The following LRRC37A2 variants were observed in gnomAD, a reference collection of about 807,000 sequenced individuals.
LRRC37A2 encodes leucine-rich repeat-containing protein 37A2.
In LRRC37A2, 9 loss-of-function variants were observed where a neutral mutation model predicts 68.8. The observed-to-expected ratio is 0.13, with a 90% CI of 0.08 to 0.23. The LOEUF (loss-of-function observed/expected upper bound fraction) is 0.23, where lower values mean the gene tolerates loss of function less well. Ranked by LOEUF, LRRC37A2 falls within the 10% of genes least tolerant of loss-of-function variation. The pLI, the probability that LRRC37A2 is intolerant of heterozygous loss-of-function variation, is 1.00. For missense variants in LRRC37A2, 168 were observed against 950.4 expected (o/e 0.18, Z 10.82); for synonymous variants, 63 against 367.6 (o/e 0.17, Z 9.48).
the LRRC37A2 span, among the ~76,000 whole-genome samples, chr17:46,737,908 A>ATATTATTAT: frequency 8.9e-5 from 13 of 145,870 alleles, no homozygotes; most frequent in African/African-American, 2.8e-4. Flanking sequence ...TAAAATTAGC[A>ATATTATTAT]TATTATTATT....
chr17:47,028,771 G>T, the LRRC37A2 span, among the ~76,000 whole-genome samples: 1 of 151,278 alleles, frequency 6.6e-6, no homozygotes, highest in African/African-American at 2.4e-5. Flanking sequence ...TTAGCTGGGC[G>T]TGGTGGTGCA....
At chr17:46,828,503 A>C in the LRRC37A2 span, among the ~76,000 whole-genome samples, 1 of 151,992 alleles carries the variant, frequency 6.6e-6, no homozygotes, top group Non-Finnish European at 1.5e-5. Context: ...ACGCCCTGCC[A>C]GGGCTTCTTT....
chr17:46,970,838 G>A, the LRRC37A2 span, among the ~76,000 whole-genome samples: 1 of 152,250 alleles, frequency 6.6e-6, no homozygotes, highest in East Asian at 1.9e-4. Context: ...ACACTGATAA[G>A]TGAAAAACAG....
the LRRC37A2 span, among the ~76,000 whole-genome samples, chr17:47,038,768 G>A: frequency 2.3e-5 from 2 of 88,014 alleles, no homozygotes; most frequent in African/African-American, 7.1e-5. Context: ...ATCTTTACTC[G>A]CCGCAACCTC....
At chr17:46,966,887 A>G in the LRRC37A2 span, 1 of 402,752 alleles carries the variant, frequency 2.5e-6, no homozygotes, top group African/African-American at 2.0e-5. Flanking sequence ...TATGCTAATT[A>G]GCACCTTAAA....
chr17:46,980,192 C>G, the LRRC37A2 span, among the ~76,000 whole-genome samples: 2 of 151,262 alleles, frequency 1.3e-5, no homozygotes, highest in Non-Finnish European at 2.9e-5. Context: ...CTAACAGTTC[C>G]CACGTGATGC....
chr17:46,925,442 G>A, the LRRC37A2 span, among the ~76,000 whole-genome samples: 1 of 152,228 alleles, frequency 6.6e-6, no homozygotes, highest in Non-Finnish European at 1.5e-5. Flanking sequence ...CTTTTATGCT[G>A]CAGTATCTTG....
chr17:46,997,608 A>G, the LRRC37A2 span, among the ~76,000 whole-genome samples: 13 of 152,224 alleles, frequency 8.5e-5, no homozygotes, highest in Non-Finnish European at 1.0e-4. Context: ...AAATGACATC[A>G]TGGATTTGCA....
the LRRC37A2 span, among the ~76,000 whole-genome samples, chr17:46,852,992 CTCAG>C: frequency 6.6e-5 from 10 of 152,166 alleles, no homozygotes; most frequent in African/African-American, 2.4e-4. Context: ...GGGAAGACCA[CTCAG>C]TCTCTGGGCC....
the LRRC37A2 span, chr17:46,830,805 T>C: frequency 2.5e-6 from 1 of 398,592 alleles, no homozygotes; most frequent in Non-Finnish European, 4.4e-6. Flanking sequence ...AAAGCTCATT[T>C]ATTCACACCC....
the LRRC37A2 span, among the ~76,000 whole-genome samples, chr17:46,878,041 T>C: frequency 6.6e-6 from 1 of 152,218 alleles, no homozygotes; most frequent in Non-Finnish European, 1.5e-5. Context: ...CAGGCACACA[T>C]GGATGCACAG....
At chr17:46,493,616 C>T in the LRRC37A2 span, among the ~76,000 whole-genome samples, 1 of 148,526 alleles carries the variant, frequency 6.7e-6, no homozygotes. Flanking sequence ...TGACTCACTG[C>T]AAGCTCCCCC....
the LRRC37A2 span, among the ~76,000 whole-genome samples, chr17:46,833,648 A>C: frequency 8.5e-5 from 13 of 152,126 alleles, no homozygotes; most frequent in Non-Finnish European, 1.8e-4. Flanking sequence ...CAGTTCTAAC[A>C]AAATCAAGAA....
chr17:46,969,856 C>T, the LRRC37A2 span, among the ~76,000 whole-genome samples: 3 of 152,166 alleles, frequency 2.0e-5, no homozygotes, highest in Non-Finnish European at 4.4e-5. Context: ...TGTTACCTTT[C>T]GCGATCCCCT....
the LRRC37A2 span, chr17:46,722,220 C>T: frequency 1.7e-5 from 24 of 1,399,404 alleles, no homozygotes; most frequent in Non-Finnish European, 2.4e-5. Flanking sequence ...ACCCAAATCT[C>T]GCGAGAGCAC....
chr17:46,737,328 A>G, the LRRC37A2 span, among the ~76,000 whole-genome samples: 1 of 152,282 alleles, frequency 6.6e-6, no homozygotes, highest in South Asian at 2.1e-4. Context: ...AGCAGATAGG[A>G]ATATAGGATA....
chr17:46,751,433 T>G, the LRRC37A2 span: 1 of 1,071,560 alleles, frequency 9.3e-7, no homozygotes, highest in Non-Finnish European at 1.4e-6. Flanking sequence ...CTTTTAAAGG[T>G]AAATAGAATT....
At chr17:46,534,728 G>A (rs1293371176) in intron 6 of LRRC37A2, among the ~76,000 whole-genome samples, 1 of 150,132 alleles carries the variant, frequency 6.7e-6, no homozygotes, top group African/African-American at 2.5e-5. Context: ...CCCAGACGGG[G>A]TGGCGGCCGG....
Position 46,525,477 on chromosome 17 carries a change from C to T in LRRC37A2, c.2906+1593C>T, listed in dbSNP as rs1390257137. Among the ~76,000 whole-genome samples the T allele has an allele frequency of 1.8e-5, 2 of 111,780 alleles. 1 individual carries two copies. Among genetic ancestry groups the T allele is most frequent in the African/African-American group, 6.4e-5 (2 of 31,164 alleles). 73.3% of individuals were successfully genotyped at this position (111,780 alleles called of 152,430 possible). On this transcript the variant is annotated intron_variant, in intron 6 of 14. Transcript: ENST00000576629. ...TGGCAGGCAACTGTAATCCTAGGTA[C>T]TCAGGAGGCTGAGGCAGGAGAATCA...
Sources: gnomAD v4.1 joint callset for allele counts (sites outside exome capture counted in the v4.1 genomes callset) on GRCh38, gnomAD v4.1.1 for gene constraint, MANE v1.5 for transcripts, NCBI Gene and HGNC (gene_info 2026-07-23, HGNC 2026-07-21) for gene names.